The following LTBP1 variants were observed in gnomAD, a reference collection of about 807,000 sequenced individuals.
LTBP1 encodes latent transforming growth factor beta binding protein 1, also known as latent-transforming growth factor beta-binding protein 1.
A neutral mutation model predicts 207.6 loss-of-function variants in LTBP1; 129 were observed. That is an observed-to-expected ratio of 0.62 (90% confidence interval 0.54 to 0.72). LTBP1 has a LOEUF of 0.72. Among genes scored for constraint, LTBP1 ranks in the 30% least tolerant of loss-of-function variants. The pLI, the probability that LTBP1 is intolerant of heterozygous loss-of-function variation, is 0.00. For synonymous variants in LTBP1, 963 were observed against 833.7 expected (o/e 1.16, Z -2.67); for missense variants, 2,281 against 2,217.2 (o/e 1.03, Z -0.58).
intron 9 of LTBP1, among the ~76,000 whole-genome samples, chr2:33,240,824 G>A (rs1371117800): frequency 1.3e-5 from 2 of 151,688 alleles, no homozygotes; most frequent in East Asian, 3.9e-4. Context: ...CTAACTTTTT[G>A]TATTTTTAGT....
At chr2:33,045,299 A>T (rs1005790740) in intron 3 of LTBP1, among the ~76,000 whole-genome samples, 2 of 152,180 alleles carry the variant, frequency 1.3e-5, no homozygotes, top group African/African-American at 4.8e-5. Context: ...TATAAGGTGT[A>T]AGGAAGGGGT....
intron 7 of LTBP1, among the ~76,000 whole-genome samples, chr2:33,202,877 A>G (rs1251876821): frequency 6.6e-6 from 1 of 152,184 alleles, no homozygotes. Flanking sequence ...TGAGGCTACT[A>G]GACATCTGTC....
chr2:33,239,162 T>C (rs953081143), intron 9 of LTBP1, among the ~76,000 whole-genome samples: 1 of 152,240 alleles, frequency 6.6e-6, no homozygotes, highest in Admixed American at 6.5e-5. Context: ...CAGAGATACC[T>C]GTAAATGTTT....
chr2:33,251,794 G>A (rs1043658716), intron 10 of LTBP1, among the ~76,000 whole-genome samples: 2 of 152,154 alleles, frequency 1.3e-5, no homozygotes, highest in African/African-American at 2.4e-5. Context: ...GCGGCGGGGG[G>A]ACACCAAACT....
chr2:32,955,778 G>A (rs369644775), intron 2 of LTBP1, among the ~76,000 whole-genome samples: 5 of 152,232 alleles, frequency 3.3e-5, no homozygotes, highest in Admixed American at 2.0e-4. Context: ...CTGTAAATGC[G>A]TGTTTTACTA....
At chr2:33,032,163 T>C (rs752999313) in intron 3 of LTBP1, among the ~76,000 whole-genome samples, 2 of 152,194 alleles carry the variant, frequency 1.3e-5, no homozygotes, top group Admixed American at 6.5e-5. Context: ...TGTAATCTTA[T>C]CCTCTTTAGG....
In LTBP1 at chr2:33,326,640, A is replaced by AATTTATTTATTTATTTATGT. The variant is rs1553502916; in HGVS notation, c.3730+11389_3730+11390insGTATTTATTTATTTATTTAT. On this transcript the variant is annotated intron_variant, in intron 24 of 33. Coordinates refer to ENST00000404816, the MANE Select transcript of LTBP1 (RefSeq NM_206943.4). ...TACTGAAAATGAGAATGAGGGATATAATTTATTTATTTATTTATTTATTTA... is the reference window on the plus strand; with the variant it reads ...TACTGAAAATGAGAATGAGGGATATAATTTATTTATTTATTTATGTATTTATTTATTTATTTATTTATTTA... Among the ~76,000 whole-genome samples, 65 of 144,654 alleles carry AATTTATTTATTTATTTATGT rather than the reference A, an allele frequency of 4.5e-4. 1 individual carries two copies. Among genetic ancestry groups the AATTTATTTATTTATTTATGT allele is most frequent in the African/African-American group, 1.6e-3 (63 of 38,650 alleles). The allele number at this position is 144,654 out of a possible 152,430, so 94.9% of individuals were successfully genotyped here.
At chr2:33,067,783 C>G (rs2077594216) in intron 3 of LTBP1, among the ~76,000 whole-genome samples, 1 of 152,046 alleles carries the variant, frequency 6.6e-6, no homozygotes, top group Non-Finnish European at 1.5e-5. Context: ...TGAGGGAGGT[C>G]CTGGAACTAA....
intron 5 of LTBP1, among the ~76,000 whole-genome samples, chr2:33,144,125 G>A (rs2082837080): frequency 6.6e-6 from 1 of 151,894 alleles, no homozygotes; most frequent in Non-Finnish European, 1.5e-5. Flanking sequence ...GAGAGAGAGT[G>A]TGCTTATGTC....
At chr2:33,092,857 C>G (rs541707758) in intron 3 of LTBP1, among the ~76,000 whole-genome samples, 2 of 152,328 alleles carry the variant, frequency 1.3e-5, no homozygotes, top group African/African-American at 4.8e-5. Flanking sequence ...TCCCCACCCT[C>G]CCAACCTACC....
intron 26 of LTBP1, among the ~76,000 whole-genome samples, chr2:33,359,501 T>C (rs1051828493): frequency 3.3e-5 from 5 of 152,232 alleles, no homozygotes; most frequent in Non-Finnish European, 7.3e-5. Flanking sequence ...TGTAAGTATG[T>C]GTGGACATTA....
intron 7 of LTBP1, among the ~76,000 whole-genome samples, chr2:33,208,804 GT>G (rs2090071524): frequency 6.6e-6 from 1 of 151,178 alleles, no homozygotes; most frequent in African/African-American, 2.4e-5. Flanking sequence ...TTGCAGTTGA[GT>G]TTGTGTGGGA....
In LTBP1 at chr2:33,398,433, A is replaced by T. The variant is rs747751868; in HGVS notation, c.5054A>T (p.Asp1685Val). 9 of 1,614,218 alleles carry T rather than the reference A, an allele frequency of 5.6e-6. No individual in the cohort carries two copies. Among genetic ancestry groups the T allele is most frequent in the Non-Finnish European group, 7.6e-6 (9 of 1,180,020 alleles). Residue 1685 changes from aspartate (D) to valine (V), a missense_variant, in exon 34 of 34, where the codon GAT becomes GTT. By Grantham distance (152) the Asp-to-Val change is radical. Around this residue, in one of 3 missense-constraint regions of LTBP1, gnomAD observed 1,671 missense variants for 1,634.8 expected, o/e 1.02. Transcript: ENST00000404816. ...LCKNAKCINT[D>V]GSYKCLCLPG... Reference sequence around the variant, plus strand: ...AAGAATGCCAAGTGCATTAACACCGATGGTTCCTACAAGTGTTTGTGTCTG... The same window carrying T: ...AAGAATGCCAAGTGCATTAACACCGTTGGTTCCTACAAGTGTTTGTGTCTG...
chr2:33,202,821 C>T (rs1558807058), intron 7 of LTBP1, among the ~76,000 whole-genome samples: 1 of 152,182 alleles, frequency 6.6e-6, no homozygotes, highest in East Asian at 1.9e-4. Context: ...CAGTGGCCTG[C>T]CTTCTTTTGG....
At position 33,315,206 on chromosome 2, in the gene LTBP1, G is replaced by A. The variant is rs141998797; in HGVS notation, c.3667G>A (p.Gly1223Ser). The A allele has an allele frequency of 8.2e-5, 132 of 1,613,610 alleles. No homozygotes were observed. In the African/African-American group the frequency reaches 1.6e-3, roughly 20 times the overall value. The stretch of plus-strand genomic sequence containing the variant: ...GCAAGGGGAGTGCCTAAACACAGAG[G>A]GTTCTTTCCATTGTGTCTGCCAGCA... ...GPQGECLNTE[G>S]SFHCVCQQGF... Residue 1223 changes from glycine (G) to serine (S), a missense_variant, in exon 24 of 34, where the codon GGT (glycine) becomes AGT (serine). By Grantham distance (56) the Gly-to-Ser change is moderately conservative. Coordinates refer to ENST00000404816, the MANE Select transcript of LTBP1 (RefSeq NM_206943.4).
chr2:33,293,454 A>G (rs2093814191), intron 20 of LTBP1, among the ~76,000 whole-genome samples, 172 bp downstream of exon 20: 1 of 152,214 alleles, frequency 6.6e-6, no homozygotes. Flanking sequence ...GGTTAAATAC[A>G]GAGCATATCT....
At chr2:33,308,475 G>A (rs918820254) in intron 22 of LTBP1, among the ~76,000 whole-genome samples, 12 of 151,868 alleles carry the variant, frequency 7.9e-5, no homozygotes, top group African/African-American at 1.2e-4. Context: ...CTCTTCTTCC[G>A]ACTCCCCCAT....
At chr2:33,209,207 A>G (rs1332409237) in intron 7 of LTBP1, among the ~76,000 whole-genome samples, 2 of 152,066 alleles carry the variant, frequency 1.3e-5, no homozygotes, top group South Asian at 2.1e-4. Context: ...CTCTTAGGCC[A>G]TTTCTTCTAG....
intron 3 of LTBP1, among the ~76,000 whole-genome samples, chr2:33,059,167 C>G (rs1297592549): frequency 6.6e-6 from 1 of 152,136 alleles, no homozygotes; most frequent in Non-Finnish European, 1.5e-5. Context: ...AGCTATACCA[C>G]TTTGTTGATG....
Sources: allele counts gnomAD v4.1 joint callset (sites outside exome capture counted in the v4.1 genomes callset), GRCh38; gene constraint gnomAD v4.1.1; regional missense constraint gnomAD v4.1.1; transcripts MANE v1.5; gene names NCBI Gene and HGNC (gene_info 2026-07-23, HGNC 2026-07-21).